FBXO17: variants seen among roughly 807,000 people sequenced by gnomAD.
FBXO17 encodes F-box only protein 17.
A neutral mutation model predicts 34.1 loss-of-function variants in FBXO17; 43 were observed. That is an observed-to-expected ratio of 1.26 (90% CI 0.99 to 1.62). The LOEUF (loss-of-function observed/expected upper bound fraction) is 1.62, where lower values mean the gene tolerates loss of function less well. FBXO17 is among the 40% of genes most tolerant of loss of function. The probability of loss-of-function intolerance (pLI) is 0.00; values close to 1 mark genes in which losing one functional copy is unlikely to be tolerated. For missense variants in FBXO17, 424 were observed against 386.7 expected (o/e 1.10, Z -0.81); for synonymous variants, 169 against 166.0 (o/e 1.02, Z -0.14).
chr19:38,959,828 C>T (rs943945903), intron 1 of FBXO17, among the ~76,000 whole-genome samples: 79 of 152,114 alleles, frequency 5.2e-4, no homozygotes, highest in African/African-American at 1.7e-3. Context: ...GCCAGGAGTT[C>T]AAGGGTACAG....
At chr19:38,947,034 C>G (rs1437436869) in intron 3 of FBXO17, 2 of 165,874 alleles carry the variant, frequency 1.2e-5, no homozygotes, top group Non-Finnish European at 2.6e-5. Flanking sequence ...TTAGGTCCTT[C>G]TCAAGGGACT....
At chr19:38,957,100 C>G (rs1288756596) in intron 1 of FBXO17, among the ~76,000 whole-genome samples, 5 of 152,014 alleles carry the variant, frequency 3.3e-5, no homozygotes, top group African/African-American at 1.2e-4. Flanking sequence ...CCAGGTGGTT[C>G]TGAGTTGCAT....
Position 38,948,634 on chromosome 19 carries a change from C to T in FBXO17, c.394G>A (p.Ala132Thr). 3 of 1,614,134 alleles carry T rather than the reference C, an allele frequency of 1.9e-6. No homozygotes were observed. The highest frequency in any genetic ancestry group is 2.5e-6 in the Non-Finnish European group (3 of 1,180,008). ...WEVEHGGNGWAIEKNLTPVPG... is the reference protein window; with the variant it reads ...WEVEHGGNGWTIEKNLTPVPG... ...ACCGGTGTTAGGTTCTTTTCTATGGCCCAGCCGTTCCCGCCATGCTCCACC... is the reference window on the plus strand; with the variant it reads ...ACCGGTGTTAGGTTCTTTTCTATGGTCCAGCCGTTCCCGCCATGCTCCACC... The change falls in exon 3 of 6, where the codon GCC (alanine) becomes ACC (threonine). Residue 132 changes from alanine (A) to threonine (T), a missense_variant. Transcript: ENST00000292852.
At chr19:38,968,561 C>G (rs1266366712) in intron 1 of FBXO17, among the ~76,000 whole-genome samples, 3 of 151,900 alleles carry the variant, frequency 2.0e-5, no homozygotes, top group Non-Finnish European at 4.4e-5. Flanking sequence ...ACTAGATTAT[C>G]TACCCAAGAG....
Position 38,946,479 on chromosome 19 carries a change from C to G in FBXO17, c.550G>C (p.Ala184Pro), listed in dbSNP as rs1298569952. ...LDSAQIEICV[A>P]DWWGARENCG... Reference sequence around the variant, plus strand: ...GTGCCGCTCCTCACTCACCAGTCAGCCACACAGATCTCAATCTGGGCGCTG... The same window carrying G: ...GTGCCGCTCCTCACTCACCAGTCAGGCACACAGATCTCAATCTGGGCGCTG... Residue 184 changes from alanine to proline, a missense_variant, in exon 4 of 6, where the codon GCT becomes CCT. Transcript: ENST00000292852. 4 of 1,613,906 alleles carry G rather than the reference C, an allele frequency of 2.5e-6. No individual in the cohort carries two copies. The highest frequency in any genetic ancestry group is 3.3e-5 in the Admixed American group (2 of 59,990).
In FBXO17 at chr19:38,942,573, G is replaced by C. The variant is rs1974905204; in HGVS notation, c.*35C>G. 2.6e-6 allele frequency: 4 copies of C among 1,514,214 alleles called. No homozygotes were observed. Among genetic ancestry groups the C allele is most frequent in the Non-Finnish European group, 3.5e-6 (4 of 1,135,420 alleles). 93.8% of individuals were successfully genotyped at this position (1,514,214 alleles called of 1,614,324 possible). A position where few individuals can be genotyped will look rare whatever the true frequency, so the allele number is the denominator to read the frequency against. On this transcript the variant is annotated 3_prime_UTR_variant, in exon 6 of 6. Transcript: ENST00000292852. ...GCCACTGCACCTGGCTGCAAGGCTGGTCTTGACTGACAACGTCAGGCAGTA... is the reference window on the plus strand; with the variant it reads ...GCCACTGCACCTGGCTGCAAGGCTGCTCTTGACTGACAACGTCAGGCAGTA...
chr19:38,970,013 C>T (rs1282262189), intron 1 of FBXO17, among the ~76,000 whole-genome samples: 2 of 152,048 alleles, frequency 1.3e-5, no homozygotes, highest in Non-Finnish European at 2.9e-5. Context: ...GTGTTCCTAA[C>T]AGCTTCAGAT....
chr19:38,954,950 A>C (rs1975145595), intron 1 of FBXO17, among the ~76,000 whole-genome samples: 1 of 136,768 alleles, frequency 7.3e-6, no homozygotes, highest in African/African-American at 2.7e-5. Context: ...ATTATTTTTG[A>C]GACGGAGTCT....
At chr19:38,947,161 T>C (rs1974997070) in intron 3 of FBXO17, 4 of 153,384 alleles carry the variant, frequency 2.6e-5, no homozygotes. Flanking sequence ...TTCCTAACTG[T>C]TACTAGCTCA....
At chr19:38,972,671 A>C (rs989075491) in intron 1 of FBXO17, among the ~76,000 whole-genome samples, 3 of 152,114 alleles carry the variant, frequency 2.0e-5, no homozygotes, top group Non-Finnish European at 4.4e-5. Flanking sequence ...ATTTTCTCCC[A>C]ATTTTTACTA....
At chr19:38,960,723 G>A (rs1233042937) in intron 1 of FBXO17, among the ~76,000 whole-genome samples, 10 of 151,590 alleles carry the variant, frequency 6.6e-5, no homozygotes. Flanking sequence ...GGCCAGGCTG[G>A]TCTTGAACTC....
At chr19:38,944,803 T>C (rs1440900944) in intron 5 of FBXO17, 166 bp downstream of exon 5, 6 of 925,078 alleles carry the variant, frequency 6.5e-6, no homozygotes, top group South Asian at 3.4e-5. Flanking sequence ...TGAATCGATA[T>C]GTAAGCGTCT....
chr19:38,963,722 G>A (rs1309517303), intron 1 of FBXO17, among the ~76,000 whole-genome samples: 1 of 151,910 alleles, frequency 6.6e-6, no homozygotes, highest in East Asian at 1.9e-4. Flanking sequence ...CCAGCTTAGG[G>A]GTATTATGAA....
intron 1 of FBXO17, among the ~76,000 whole-genome samples, chr19:38,961,229 TATTA>T (rs1469058966): frequency 6.6e-6 from 1 of 152,058 alleles, no homozygotes; most frequent in African/African-American, 2.4e-5. Context: ...AGTTAAGTTT[TATTA>T]ATTGTATCTG....
intron 1 of FBXO17, among the ~76,000 whole-genome samples, chr19:38,973,025 G>C (rs113828750): frequency 6.6e-6 from 1 of 152,166 alleles, no homozygotes; most frequent in Non-Finnish European, 1.5e-5. Context: ...ATAAGTCACC[G>C]GCCTGGCGGC....
At chr19:38,949,311 G>A (rs1406004616) in intron 2 of FBXO17, among the ~76,000 whole-genome samples, 1 of 152,116 alleles carries the variant, frequency 6.6e-6, no homozygotes, top group Admixed American at 6.5e-5. Flanking sequence ...TGTTGGTCAG[G>A]CTGGTCTTGA....
chr19:38,942,333 C>T lies in FBXO17; in HGVS notation c.*275G>A, dbSNP rs1301980455. The T allele has an allele frequency of 4.1e-6, 1 of 241,520 alleles. No homozygotes were observed. The highest frequency in any genetic ancestry group is 7.7e-6 in the Non-Finnish European group (1 of 130,320). The allele number at this position is 241,520 out of a possible 1,614,324, so 15.0% of individuals were successfully genotyped here. On this transcript the variant is annotated 3_prime_UTR_variant, in exon 6 of 6. Coordinates refer to ENST00000292852, the MANE Select transcript of FBXO17 (RefSeq NM_024907.7). Reference sequence around the variant, plus strand: ...GGCTGGAGTGGTGGTGAAATCACGGCTCACTGCAGCCTCAACCTCCTGGTC... The same window carrying T: ...GGCTGGAGTGGTGGTGAAATCACGGTTCACTGCAGCCTCAACCTCCTGGTC...
intron 1 of FBXO17, among the ~76,000 whole-genome samples, chr19:38,960,692 GA>G (rs1247589508): frequency 6.6e-6 from 1 of 150,668 alleles, no homozygotes; most frequent in Non-Finnish European, 1.5e-5. Context: ...TATTTTTAGT[GA>G]AGACAGGGTT....
chr19:38,962,275 G>GT (rs998048406), intron 1 of FBXO17, among the ~76,000 whole-genome samples: 12 of 152,086 alleles, frequency 7.9e-5, no homozygotes, highest in Admixed American at 7.9e-4. Flanking sequence ...ATGATGCTAA[G>GT]TTTTTTTCAG....
Sources: gnomAD v4.1 joint callset for allele counts (sites outside exome capture counted in the v4.1 genomes callset) on GRCh38, gnomAD v4.1.1 for gene constraint, MANE v1.5 for transcripts, NCBI Gene and HGNC (gene_info 2026-07-23, HGNC 2026-07-21) for gene names.